Variants in PAK1 observed in about 807,000 individuals in gnomAD.
PAK1 encodes serine/threonine-protein kinase PAK 1.
Under a neutral mutation model 67.4 loss-of-function variants are expected in PAK1, and 29 were observed. The observed-to-expected ratio is 0.43, with a 90% CI of 0.32 to 0.59. PAK1 has a LOEUF of 0.59. Ranked by LOEUF, PAK1 falls within the 20% of genes least tolerant of loss-of-function variation. The pLI is 0.07. For synonymous variants in PAK1, 223 were observed against 237.4 expected (o/e 0.94, Z 0.56); for missense variants, 337 against 670.7 (o/e 0.50, Z 5.50).
At chr11:77,522,136 T>C in the PAK1 span, among the ~76,000 whole-genome samples, 1 of 152,246 alleles carries the variant, frequency 6.6e-6, no homozygotes, top group Non-Finnish European at 1.5e-5. Context: ...TTAGATTGGC[T>C]TTAATGGAAC....
chr11:77,523,640 A>C, the PAK1 span, among the ~76,000 whole-genome samples: 1 of 152,150 alleles, frequency 6.6e-6, no homozygotes, highest in East Asian at 1.9e-4. Flanking sequence ...GGCTGGTCTC[A>C]AACTCCTGAC....
At chr11:77,438,519 G>C (rs1260516637) in intron 1 of PAK1, among the ~76,000 whole-genome samples, 1 of 152,156 alleles carries the variant, frequency 6.6e-6, no homozygotes, top group Non-Finnish European at 1.5e-5. Context: ...TTACCTTCTC[G>C]TGTTAGGCTG....
At chr11:77,462,306 G>A (rs939537746) in intron 1 of PAK1, among the ~76,000 whole-genome samples, 1 of 149,784 alleles carries the variant, frequency 6.7e-6, no homozygotes, top group Non-Finnish European at 1.5e-5. Context: ...ACTCCAGCCT[G>A]GGCAACAGAG....
At chr11:77,358,001 C>CT (rs1010280859) in intron 6 of PAK1, among the ~76,000 whole-genome samples, 49 of 152,264 alleles carry the variant, frequency 3.2e-4, no homozygotes, top group African/African-American at 1.2e-3. Context: ...ACTTTGTGAC[C>CT]TACAGAGATG....
At chr11:77,382,063 G>A (rs1007144455) in intron 2 of PAK1, among the ~76,000 whole-genome samples, 6 of 152,122 alleles carry the variant, frequency 3.9e-5, no homozygotes, top group Non-Finnish European at 7.3e-5. Context: ...ACTTAGGGAA[G>A]TACAATTATA....
the PAK1 span, among the ~76,000 whole-genome samples, chr11:77,484,992 G>T: frequency 1.3e-5 from 2 of 152,152 alleles, no homozygotes; most frequent in East Asian, 3.9e-4. Context: ...AAAACTCCCC[G>T]TTATAATACT....
At chr11:77,356,974 A>G (rs543859149) in intron 6 of PAK1, among the ~76,000 whole-genome samples, 96 of 152,316 alleles carry the variant, frequency 6.3e-4, no homozygotes, top group Non-Finnish European at 1.1e-3. Flanking sequence ...CATAGTCCAT[A>G]AACAGTATAA....
chr11:77,378,746 C>G (rs1199748966), intron 4 of PAK1, among the ~76,000 whole-genome samples: 1 of 152,118 alleles, frequency 6.6e-6, no homozygotes, highest in African/African-American at 2.4e-5. Context: ...CACCACCACA[C>G]CCGGCTAATT....
intron 1 of PAK1, among the ~76,000 whole-genome samples, chr11:77,412,563 G>C (rs1451976602): frequency 6.6e-6 from 1 of 151,862 alleles, no homozygotes; most frequent in Admixed American, 6.6e-5. Context: ...CAAGTAGCTG[G>C]GACTACAGGT....
chr11:77,397,126 T>C (rs137882402), intron 1 of PAK1: 103 of 152,312 alleles, frequency 6.8e-4, no homozygotes, highest in African/African-American at 2.5e-3. Flanking sequence ...AGGCCAACAT[T>C]ATAACAGCTC....
At chr11:77,472,456 A>C (rs1957908348) in intron 1 of PAK1, among the ~76,000 whole-genome samples, 2 of 152,170 alleles carry the variant, frequency 1.3e-5, no homozygotes, top group Non-Finnish European at 2.9e-5. Context: ...GCCAGCAAAG[A>C]CTTCACAGTG....
chr11:77,461,459 TAAGA>T (rs1298668326), intron 1 of PAK1, among the ~76,000 whole-genome samples: 1 of 152,216 alleles, frequency 6.6e-6, no homozygotes, highest in Non-Finnish European at 1.5e-5. Flanking sequence ...GAAGTTTCTC[TAAGA>T]AAGAATTATT....
chr11:77,397,491 C>T (rs1951987434), intron 1 of PAK1, among the ~76,000 whole-genome samples: 1 of 152,168 alleles, frequency 6.6e-6, no homozygotes, highest in Non-Finnish European at 1.5e-5. Context: ...AGACTTAATA[C>T]TGGTCAAGAG....
intron 5 of PAK1, among the ~76,000 whole-genome samples, chr11:77,362,385 C>T: frequency 6.6e-6 from 1 of 152,058 alleles, no homozygotes; most frequent in East Asian, 1.9e-4. Context: ...GTTTGATTTT[C>T]TTTTTTCTTT....
intron 1 of PAK1, among the ~76,000 whole-genome samples, chr11:77,452,238 G>A (rs575173038): frequency 6.6e-6 from 1 of 152,266 alleles, no homozygotes; most frequent in East Asian, 1.9e-4. Flanking sequence ...TTATAAATAG[G>A]AAACTGGTGC....
the PAK1 span, among the ~76,000 whole-genome samples, chr11:77,522,801 C>T: frequency 6.6e-6 from 1 of 152,184 alleles, no homozygotes; most frequent in Admixed American, 6.5e-5. Context: ...TCCACAATAG[C>T]AAAGACATGA....
rs922822541 is a variant in PAK1 at position 77,469,938 on chromosome 11, ATTTC to A, written c.-22+3610_-22+3613del. Among the ~76,000 whole-genome samples, 6 of 152,278 alleles carry A rather than the reference ATTTC, an allele frequency of 3.9e-5. No homozygotes were observed. The South Asian group carries it at 8.3e-4, about 21-fold the overall frequency. ...ATATTCATCACTCCAAACATTTATCATTTCTTTATCATAAACAGTCAAAAGCCTC... is the reference window on the plus strand; with the variant it reads ...ATATTCATCACTCCAAACATTTATCATTTATCATAAACAGTCAAAAGCCTC... On this transcript the variant is annotated intron_variant, in intron 1 of 14. Coordinates refer to ENST00000356341, the MANE Select transcript of PAK1 (RefSeq NM_002576.5).
chr11:77,387,900 T>C (rs1950646644), intron 2 of PAK1, among the ~76,000 whole-genome samples: 1 of 152,232 alleles, frequency 6.6e-6, no homozygotes, highest in African/African-American at 2.4e-5. Context: ...TGTATCCTTA[T>C]AGGACTAAGT....
At position 77,425,148 on chromosome 11, in the gene PAK1, C is replaced by A. The variant is rs565808012; in HGVS notation, c.-21-32607G>T. ...TTTTTTTAAGTGATAATAAATAAGTCCTTTATAAACTCAAAAGTGGCTGAG... is the reference window on the plus strand; with the variant it reads ...TTTTTTTAAGTGATAATAAATAAGTACTTTATAAACTCAAAAGTGGCTGAG... On this transcript the variant is annotated intron_variant, in intron 1 of 14. Transcript: ENST00000356341. Among the ~76,000 whole-genome samples the A allele has an allele frequency of 7.9e-5, 12 of 152,036 alleles. No individual in the cohort carries two copies. In the South Asian group the frequency reaches 2.3e-3, roughly 29 times the overall value.
Sources: allele counts gnomAD v4.1 joint callset (sites outside exome capture counted in the v4.1 genomes callset), GRCh38; gene constraint gnomAD v4.1.1; transcripts MANE v1.5; gene names NCBI Gene and HGNC (gene_info 2026-07-23, HGNC 2026-07-21).